PDE4B: variants seen among roughly 807,000 people sequenced by gnomAD.
The protein encoded by PDE4B is 3',5'-cyclic-AMP phosphodiesterase 4B.
A neutral mutation model predicts 82.2 loss-of-function variants in PDE4B; 20 were observed. The observed-to-expected ratio is 0.24, with a 90% confidence interval of 0.17 to 0.35. PDE4B has a LOEUF of 0.35. PDE4B is among the 10% of genes least tolerant of loss of function. The pLI is 1.00. For synonymous variants in PDE4B, 320 were observed against 318.9 expected (o/e 1.00, Z -0.04); for missense variants, 655 against 907.2 (o/e 0.72, Z 3.57).
At chr1:65,858,765 G>A (rs1268911442) in intron 1 of PDE4B, among the ~76,000 whole-genome samples, 2 of 152,016 alleles carry the variant, frequency 1.3e-5, no homozygotes, top group Admixed American at 1.3e-4. Context: ...GCATTTAAAA[G>A]TTTAGCAATT....
At chr1:65,971,997 T>C (rs1207590174) in intron 3 of PDE4B, among the ~76,000 whole-genome samples, 3 of 152,204 alleles carry the variant, frequency 2.0e-5, no homozygotes, top group Non-Finnish European at 4.4e-5. Context: ...TACCAAGATA[T>C]ATCCATCATT....
chr1:65,818,178 A>G (rs1219633167), intron 1 of PDE4B, among the ~76,000 whole-genome samples: 1 of 152,188 alleles, frequency 6.6e-6, no homozygotes, highest in Non-Finnish European at 1.5e-5. Context: ...AGTTATTTCC[A>G]CACTTAAAAT....
chr1:66,149,573 G>A (rs1351956397), intron 3 of PDE4B, among the ~76,000 whole-genome samples: 3 of 152,266 alleles, frequency 2.0e-5, no homozygotes, highest in East Asian at 3.9e-4. Context: ...TGCAACTTAA[G>A]GTTTGGGGGT....
intron 7 of PDE4B, among the ~76,000 whole-genome samples, chr1:66,331,281 A>G (rs940439180): frequency 2.0e-5 from 3 of 152,150 alleles, no homozygotes; most frequent in Non-Finnish European, 4.4e-5. Context: ...ATTAGTGCCT[A>G]TTGTGTGTTT....
chr1:66,265,998 T>G (rs747712426), intron 6 of PDE4B, 40 bp from the exon 7 acceptor site: 2 of 1,551,414 alleles, frequency 1.3e-6, no homozygotes, highest in East Asian at 4.5e-5. Context: ...TGGGCAGTTT[T>G]GATACACAGA....
chr1:66,062,649 T>C (rs770633464), intron 3 of PDE4B, among the ~76,000 whole-genome samples: 1 of 152,046 alleles, frequency 6.6e-6, no homozygotes, highest in Non-Finnish European at 1.5e-5. Flanking sequence ...TTGTAAGGTA[T>C]GCTAGAGTGG....
At chr1:66,207,822 TG>T (rs1649680251) in intron 3 of PDE4B, among the ~76,000 whole-genome samples, 1 of 152,216 alleles carries the variant, frequency 6.6e-6, no homozygotes, top group Admixed American at 6.5e-5. Context: ...CTCATTCGTT[TG>T]TAATTACAAA....
At chr1:66,058,402 A>G (rs1655414040) in intron 3 of PDE4B, among the ~76,000 whole-genome samples, 1 of 152,120 alleles carries the variant, frequency 6.6e-6, no homozygotes, top group Non-Finnish European at 1.5e-5. Flanking sequence ...CCCTCTTCTC[A>G]CAGCTCCAAT....
intron 1 of PDE4B, among the ~76,000 whole-genome samples, chr1:65,818,309 A>G (rs1356692477): frequency 1.3e-5 from 2 of 152,084 alleles, no homozygotes; most frequent in African/African-American, 2.4e-5. Flanking sequence ...TTTGCATTCT[A>G]TTCTTCAACC....
chr1:66,035,797 A>G (rs538851958), intron 3 of PDE4B, among the ~76,000 whole-genome samples: 3 of 152,312 alleles, frequency 2.0e-5, no homozygotes, highest in South Asian at 2.1e-4. Context: ...TATTGCTGCA[A>G]TGAATATGGG....
intron 3 of PDE4B, among the ~76,000 whole-genome samples, chr1:66,090,661 G>GTA (rs369883269): frequency 0.61 from 70,897 of 116,910 alleles, 19,385 homozygotes; most frequent in South Asian, 0.73. Flanking sequence ...ATATATGTAT[G>GTA]TATATATGTG....
chr1:65,865,471 G>T (rs1023238534), intron 1 of PDE4B, among the ~76,000 whole-genome samples: 5 of 152,128 alleles, frequency 3.3e-5, no homozygotes, highest in African/African-American at 9.7e-5. Flanking sequence ...AGCTAGCTTA[G>T]TGTCTGCCCA....
intron 3 of PDE4B, among the ~76,000 whole-genome samples, chr1:66,160,333 A>G (rs1429104023): frequency 6.6e-6 from 1 of 152,242 alleles, no homozygotes; most frequent in Admixed American, 6.5e-5. Context: ...ATATGAACCA[A>G]TGGCTTCCTC....
intron 3 of PDE4B, among the ~76,000 whole-genome samples, chr1:65,924,883 A>G (rs1323370025): frequency 6.6e-6 from 1 of 152,266 alleles, no homozygotes; most frequent in South Asian, 2.1e-4. Flanking sequence ...AGACCAATAG[A>G]GACTGAGCAA....
At chr1:65,997,781 T>C (rs1243024807) in intron 3 of PDE4B, among the ~76,000 whole-genome samples, 2 of 152,224 alleles carry the variant, frequency 1.3e-5, no homozygotes, top group East Asian at 3.8e-4. Flanking sequence ...AAAGAACTCC[T>C]ATACTAGCTG....
At chr1:66,035,404 G>A (rs1320929549) in intron 3 of PDE4B, among the ~76,000 whole-genome samples, 1 of 152,002 alleles carries the variant, frequency 6.6e-6, no homozygotes, top group African/African-American at 2.4e-5. Context: ...ATCTTCCTGT[G>A]CAATGGAACA....
chr1:66,160,511 G>A (rs567228791), intron 3 of PDE4B, among the ~76,000 whole-genome samples: 1 of 152,238 alleles, frequency 6.6e-6, no homozygotes, highest in East Asian at 1.9e-4. Flanking sequence ...AGGTCTGTGG[G>A]TTCTAATAAC....
In PDE4B at chr1:66,025,824, G is replaced by A. The variant is rs535148585; in HGVS notation, c.281+106989G>A. ...TTAGGTACAGTAAAAATTTAGGACT[G>A]CTAACAACCACAAAGGTTTGTGCTT... On this transcript the variant is annotated intron_variant, in intron 3 of 16. Coordinates refer to ENST00000341517, the MANE Select transcript of PDE4B (RefSeq NM_002600.4). Among the ~76,000 whole-genome samples, 327 of 152,256 alleles carry A rather than the reference G, an allele frequency of 2.1e-3. 1 individual carries two copies. Among genetic ancestry groups the A allele is most frequent in the African/African-American group, 7.5e-3 (311 of 41,558 alleles).
At chr1:66,285,874 A>G (rs1428270768) in intron 7 of PDE4B, among the ~76,000 whole-genome samples, 1 of 152,150 alleles carries the variant, frequency 6.6e-6, no homozygotes, top group Non-Finnish European at 1.5e-5. Context: ...AATGAAGCCA[A>G]ACTAGGGTAA....
Sources: gnomAD v4.1 joint callset for allele counts (sites outside exome capture counted in the v4.1 genomes callset) on GRCh38, gnomAD v4.1.1 for gene constraint, MANE v1.5 for transcripts, NCBI Gene and HGNC (gene_info 2026-07-23, HGNC 2026-07-21) for gene names.